The following L3MBTL4 variants were observed in gnomAD, a reference collection of about 807,000 sequenced individuals.
L3MBTL4 encodes L3MBTL histone methyl-lysine binding protein 4, also known as lethal(3)malignant brain tumor-like protein 4.
In L3MBTL4, 70 loss-of-function variants were observed where a neutral mutation model predicts 84.5. That is an observed-to-expected ratio of 0.83 (90% CI 0.68 to 1.01). The LOEUF (loss-of-function observed/expected upper bound fraction) is 1.01. L3MBTL4 is among the 50% of genes least tolerant of loss of function. The probability of loss-of-function intolerance (pLI) is 0.00; values close to 1 mark genes in which losing one functional copy is unlikely to be tolerated. For synonymous variants in L3MBTL4, 274 were observed against 259.8 expected (o/e 1.05, Z -0.52); for missense variants, 715 against 754.8 (o/e 0.95, Z 0.62).
At chr18:6,320,459 T>C (rs971369477) in intron 1 of L3MBTL4, among the ~76,000 whole-genome samples, 17 of 152,036 alleles carry the variant, frequency 1.1e-4, no homozygotes, top group African/African-American at 3.9e-4. Flanking sequence ...TACGAGTCAA[T>C]AGCACTGCTA....
At chr18:6,237,230 T>C (rs1020860345) in intron 10 of L3MBTL4, among the ~76,000 whole-genome samples, 10 of 152,138 alleles carry the variant, frequency 6.6e-5, no homozygotes, top group African/African-American at 2.4e-4. Flanking sequence ...GGAGACCCAT[T>C]GTTAAGTTAG....
At chr18:6,071,795 AAGAAAGAAAAAG>A (rs1253923270) in intron 16 of L3MBTL4, among the ~76,000 whole-genome samples, 1 of 145,280 alleles carries the variant, frequency 6.9e-6, no homozygotes, top group Non-Finnish European at 1.5e-5. Flanking sequence ...GAAAGAAAGA[AAGAAAGAAAAAG>A]AAAGAAAGGA....
At chr18:6,383,233 T>G (rs950076699) in intron 1 of L3MBTL4, among the ~76,000 whole-genome samples, 1 of 152,144 alleles carries the variant, frequency 6.6e-6, no homozygotes, top group Admixed American at 6.5e-5. Flanking sequence ...CCACTGGATC[T>G]TAGTTTGCTG....
Position 6,171,875 on chromosome 18 carries a change from G to A in L3MBTL4, c.1049C>T (p.Pro350Leu), listed in dbSNP as rs772369074. 9 of 1,555,238 alleles carry A rather than the reference G, an allele frequency of 5.8e-6. No individual in the cohort carries two copies. Among genetic ancestry groups the A allele is most frequent in the Middle Eastern group, 1.7e-4 (1 of 6,010 alleles). Residue 350 changes from proline to leucine, a missense_variant, in exon 13 of 19, where the codon CCG becomes CTG. Transcript: ENST00000317931. ...WVEADSPDIHPIGWCDVTGHP... is the reference protein window; with the variant it reads ...WVEADSPDIHLIGWCDVTGHP... ...CCCTGTGACATCACACCATCCGATCGGGTGGATATCAGGGCTGTCTGCCTC... is the reference window on the plus strand; with the variant it reads ...CCCTGTGACATCACACCATCCGATCAGGTGGATATCAGGGCTGTCTGCCTC...
chr18:6,329,582 A>C (rs1410243917), intron 1 of L3MBTL4, among the ~76,000 whole-genome samples: 2 of 152,230 alleles, frequency 1.3e-5, no homozygotes, highest in Non-Finnish European at 2.9e-5. Flanking sequence ...TCTTACACTT[A>C]TGGAGGCTGA....
At chr18:6,264,516 A>T (rs2048543807) in intron 4 of L3MBTL4, among the ~76,000 whole-genome samples, 1 of 152,072 alleles carries the variant, frequency 6.6e-6, no homozygotes, top group Non-Finnish European at 1.5e-5. Context: ...TGGCGTGGTG[A>T]CTCACGCCTG....
rs77376555 is a variant in L3MBTL4, at chr18:6,057,691, T to G, written c.1444+23190A>C. Among the ~76,000 whole-genome samples, 63 of 152,004 alleles carry G rather than the reference T, an allele frequency of 4.1e-4. No homozygotes were observed. The East Asian group carries it at 0.011, about 27-fold the overall frequency. On this transcript the variant is annotated intron_variant, in intron 16 of 18. Transcript: ENST00000317931. ...GAAAACAAATCAACAATGAAAAACA[T>G]TAAAAAATAATGAACGAGGGAGAAC...
At chr18:6,343,474 T>C (rs1442334920) in intron 1 of L3MBTL4, among the ~76,000 whole-genome samples, 2 of 151,874 alleles carry the variant, frequency 1.3e-5, no homozygotes, top group African/African-American at 2.4e-5. Flanking sequence ...CCATCCTGAC[T>C]AACATGGTGA....
intron 1 of L3MBTL4, among the ~76,000 whole-genome samples, chr18:6,318,805 C>G (rs1197874584): frequency 1.3e-5 from 2 of 152,058 alleles, no homozygotes; most frequent in African/African-American, 4.8e-5. Flanking sequence ...ATAGAACACT[C>G]TACCGAAGAA....
rs573892517 is a variant in L3MBTL4 at position 6,359,191 on chromosome 18, G to A, written c.-90-47135C>T. Among the ~76,000 whole-genome samples, 10 of 152,300 alleles carry A rather than the reference G, an allele frequency of 6.6e-5. No homozygotes were observed. The South Asian group carries it at 8.3e-4, about 13-fold the overall frequency. The stretch of plus-strand genomic sequence containing the variant: ...AACCTCAAACACAGCTGGGCACGGC[G>A]GCTCATGCCTGTAATCTCAGCACTT... On this transcript the variant is annotated intron_variant, in intron 1 of 18. Transcript: ENST00000317931.
chr18:6,014,620 A>T (rs1482647862), intron 16 of L3MBTL4, among the ~76,000 whole-genome samples: 1 of 152,118 alleles, frequency 6.6e-6, no homozygotes, highest in Non-Finnish European at 1.5e-5. Context: ...AGCCTGGAGG[A>T]CTAGAATAAC....
At chr18:6,392,339 G>A (rs1410063178) in intron 1 of L3MBTL4, among the ~76,000 whole-genome samples, 1 of 152,110 alleles carries the variant, frequency 6.6e-6, no homozygotes, top group Non-Finnish European at 1.5e-5. Context: ...ACTTGAGATC[G>A]GGAGTTCAAG....
intron 1 of L3MBTL4, among the ~76,000 whole-genome samples, chr18:6,358,919 T>C (rs1365795324): frequency 1.3e-5 from 2 of 152,224 alleles, no homozygotes; most frequent in Admixed American, 6.5e-5. Flanking sequence ...CATTGTTCCA[T>C]ATTCCAGTGG....
chr18:6,206,463 T>A (rs2045879531), intron 12 of L3MBTL4, among the ~76,000 whole-genome samples: 1 of 152,184 alleles, frequency 6.6e-6, no homozygotes, highest in African/African-American at 2.4e-5. Context: ...TCTCACTAGA[T>A]CTCGCAGGTC....
At chr18:6,159,547 A>AGC (rs373041449) in intron 13 of L3MBTL4, among the ~76,000 whole-genome samples, 56 of 152,306 alleles carry the variant, frequency 3.7e-4, no homozygotes, top group African/African-American at 1.3e-3. Context: ...ACCCAAGCTG[A>AGC]GCGAGCAGCT....
intron 16 of L3MBTL4, among the ~76,000 whole-genome samples, chr18:5,979,959 G>C (rs2053128798): frequency 6.6e-6 from 1 of 152,214 alleles, no homozygotes; most frequent in South Asian, 2.1e-4. Context: ...CTGGCAGGCA[G>C]TAAAGGCACA....
At chr18:6,018,223 C>T (rs915991084) in intron 16 of L3MBTL4, among the ~76,000 whole-genome samples, 5 of 152,074 alleles carry the variant, frequency 3.3e-5, no homozygotes, top group South Asian at 2.1e-4. Flanking sequence ...AAAGTCGAAC[C>T]GAGGCTGCCC....
chr18:6,284,653 G>A (rs1004169015), intron 4 of L3MBTL4, among the ~76,000 whole-genome samples: 1 of 152,128 alleles, frequency 6.6e-6, no homozygotes, highest in African/African-American at 2.4e-5. Context: ...CATGTCATCT[G>A]TGCCCTTCTT....
chr18:6,326,676 T>C (rs1458612853), intron 1 of L3MBTL4: 1 of 152,264 alleles, frequency 6.6e-6, no homozygotes, highest in African/African-American at 2.4e-5. Context: ...CTCTGGGCTA[T>C]GAGATGTCAT....
Sources: allele counts gnomAD v4.1 joint callset (sites outside exome capture counted in the v4.1 genomes callset), GRCh38; gene constraint gnomAD v4.1.1; transcripts MANE v1.5; gene names NCBI Gene and HGNC (gene_info 2026-07-23, HGNC 2026-07-21).